The following BICRAL variants were observed in gnomAD, a reference collection of about 807,000 sequenced individuals.
BICRAL encodes BRD4-interacting chromatin-remodeling complex-associated protein-like.
Under a neutral mutation model 91.8 loss-of-function variants are expected in BICRAL, and 8 were observed. The ratio of observed to expected loss-of-function variants is 0.09; its 90% CI spans 0.05 to 0.16. BICRAL has a LOEUF of 0.16. Among genes scored for constraint, BICRAL ranks in the 10% least tolerant of loss-of-function variants. BICRAL has a pLI of 1.00. For missense variants in BICRAL, 1,038 were observed against 1,310.9 expected, an observed-to-expected ratio of 0.79 and a Z score of 3.21; for synonymous variants, 445 against 491.1, an observed-to-expected ratio of 0.91 and a Z score of 1.24.
intron 6 of BICRAL, among the ~76,000 whole-genome samples, chr6:42,845,195 GTTTTTTTTTTTTTTT>G (rs748804344): frequency 1.5e-3 from 39 of 25,610 alleles, no homozygotes; most frequent in African/African-American, 3.4e-3. Flanking sequence ...TTTTTTGGGT[GTTTTTTTTTTTTTTT>G]TTTTTTTTTT....
intron 6 of BICRAL, among the ~76,000 whole-genome samples, chr6:42,846,955 A>G (rs988768592): frequency 3.3e-5 from 5 of 152,192 alleles, no homozygotes; most frequent in Non-Finnish European, 7.3e-5. Context: ...TAGCAGGAAA[A>G]CTTCAAGTTT....
chr6:42,824,704 A>G (rs1265161724), intron 5 of BICRAL, among the ~76,000 whole-genome samples: 1 of 152,230 alleles, frequency 6.6e-6, no homozygotes, highest in Non-Finnish European at 1.5e-5. Flanking sequence ...GTTACATAAT[A>G]ATCTTTAAAG....
chr6:42,806,380 A>G (rs1044417315), intron 1 of BICRAL, among the ~76,000 whole-genome samples: 2 of 152,118 alleles, frequency 1.3e-5, no homozygotes, highest in African/African-American at 4.8e-5. Context: ...CTTGAAACAG[A>G]GTCTTACTCT....
At position 42,809,559 on chromosome 6, in the gene BICRAL, T is replaced by G. The variant is rs150404383; in HGVS notation, c.-101-747T>G. Among the ~76,000 whole-genome samples the G allele has an allele frequency of 1.2e-4, 17 of 146,898 alleles. 1 individual carries two copies. The East Asian group carries it at 3.4e-3, about 29-fold the overall frequency. ...TCAAGCGATTCAGATTCAAGCCTCC[T>G]CACCTCCCAGATTCAAGCAATTCTC... On this transcript the variant is annotated intron_variant, in intron 1 of 12. Coordinates refer to ENST00000314073, the MANE Select transcript of BICRAL (RefSeq NM_001393499.1).
chr6:42,809,714 G>A (rs1265539246), intron 1 of BICRAL, among the ~76,000 whole-genome samples: 3 of 151,810 alleles, frequency 2.0e-5, no homozygotes, highest in East Asian at 1.9e-4. Context: ...GAGCTCAACC[G>A]ATCCACCTGC....
intron 1 of BICRAL, among the ~76,000 whole-genome samples, chr6:42,757,247 T>C (rs1027116279): frequency 7.0e-6 from 1 of 142,284 alleles, no homozygotes; most frequent in Non-Finnish European, 1.5e-5. Context: ...ATAAATAGTT[T>C]TTTTTTAACT....
exon 1 of BICRAL, chr6:42,747,008 C>T (rs1762287762): frequency 1.3e-5 from 2 of 152,442 alleles, no homozygotes; most frequent in East Asian, 1.9e-4. Flanking sequence ...AGCTGGGCGT[C>T]GCCGGCCGCG....
intron 1 of BICRAL, among the ~76,000 whole-genome samples, chr6:42,793,528 A>T (rs1007005055): frequency 2.6e-5 from 4 of 151,052 alleles, no homozygotes; most frequent in Admixed American, 1.3e-4. Flanking sequence ...ACTTCAAGTG[A>T]TCCACCAGCC....
intron 6 of BICRAL, among the ~76,000 whole-genome samples, chr6:42,835,712 T>C (rs1280152354): frequency 1.3e-5 from 2 of 152,244 alleles, no homozygotes; most frequent in African/African-American, 2.4e-5. Context: ...AGGGGGCAGA[T>C]TGCTTGAGCT....
chr6:42,801,561 T>C (rs915444607), intron 1 of BICRAL, among the ~76,000 whole-genome samples: 16 of 152,082 alleles, frequency 1.1e-4, no homozygotes, highest in African/African-American at 3.9e-4. Context: ...ATATTGGTAG[T>C]AGTATTGCTT....
In BICRAL at chr6:42,817,608, T is replaced by C. The variant is rs549809349; in HGVS notation, c.-5-4410T>C. Among the ~76,000 whole-genome samples the C allele has an allele frequency of 5.9e-5, 9 of 152,028 alleles. No individual in the cohort carries two copies. In the East Asian group the frequency reaches 1.5e-3, roughly 26 times the overall value. On this transcript the variant is annotated intron_variant, in intron 2 of 12. Transcript: ENST00000314073. ...AATCCTCCCATCTCAGCCTCCCAAG[T>C]AGCTGGAACTACAGGTGTGCATCAG...
At chr6:42,799,206 T>TG (rs2113894921) in intron 1 of BICRAL, among the ~76,000 whole-genome samples, 1 of 151,842 alleles carries the variant, frequency 6.6e-6, no homozygotes, top group South Asian at 2.1e-4. Context: ...CATACCTGGC[T>TG]GAAATATTTT....
At position 42,847,284 on chromosome 6, in the gene BICRAL, C is replaced by T. The variant is rs147705591; in HGVS notation, c.1840-4808C>T. Among the ~76,000 whole-genome samples, 173 of 152,230 alleles carry T rather than the reference C, an allele frequency of 1.1e-3. 2 individuals are homozygous for T. The highest frequency in any genetic ancestry group is 8.2e-4 in the Non-Finnish European group (56 of 68,016). On this transcript the variant is annotated intron_variant, in intron 6 of 12. Coordinates refer to ENST00000314073, the MANE Select transcript of BICRAL (RefSeq NM_001393499.1). ...ACAACAATGAATAAACCTCTCAAAA[C>T]CTTTTTAAAAAGCATAAATTAGCTG...
intron 1 of BICRAL, among the ~76,000 whole-genome samples, chr6:42,775,398 A>G (rs1762793119): frequency 6.6e-6 from 1 of 152,172 alleles, no homozygotes; most frequent in Admixed American, 6.5e-5. Flanking sequence ...AAGCCTGATT[A>G]TGTGACCTCC....
chr6:42,822,512 G>T (rs1764169756), intron 3 of BICRAL, among the ~76,000 whole-genome samples: 1 of 150,376 alleles, frequency 6.6e-6, no homozygotes, highest in African/African-American at 2.4e-5. Flanking sequence ...GCCTCCCAAA[G>T]TGCTGGGATT....
At chr6:42,807,792 G>A (rs1287162918) in intron 1 of BICRAL, among the ~76,000 whole-genome samples, 2 of 148,184 alleles carry the variant, frequency 1.3e-5, no homozygotes, top group South Asian at 2.1e-4. Context: ...GCAACAGAGC[G>A]AGACTCCGTC....
At chr6:42,787,342 G>C (rs906158064) in intron 1 of BICRAL, among the ~76,000 whole-genome samples, 1 of 152,138 alleles carries the variant, frequency 6.6e-6, no homozygotes, top group Non-Finnish European at 1.5e-5. Context: ...GCATCCAAGC[G>C]GAGAGTTAAG....
chr6:42,783,828 G>A (rs933523845), intron 1 of BICRAL, among the ~76,000 whole-genome samples: 9 of 152,222 alleles, frequency 5.9e-5, no homozygotes, highest in Non-Finnish European at 1.5e-5. Flanking sequence ...GAAATTGGAG[G>A]TGAGGCGCTC....
At chr6:42,857,320 A>T in intron 10 of BICRAL, 84 bp downstream of exon 10, 2 of 1,082,156 alleles carry the variant, frequency 1.8e-6, no homozygotes, top group South Asian at 3.0e-5. Flanking sequence ...GAGCCACATC[A>T]CCCCCAGATG....
Sources: gnomAD v4.1 joint callset for allele counts (sites outside exome capture counted in the v4.1 genomes callset) on GRCh38, gnomAD v4.1.1 for gene constraint, MANE v1.5 for transcripts, NCBI Gene and HGNC (gene_info 2026-07-23, HGNC 2026-07-21) for gene names.